Variants in MEGF6 observed in about 807,000 individuals in gnomAD.
MEGF6 encodes multiple epidermal growth factor-like domains protein 6.
MEGF6 carries 184 observed loss-of-function variants against 207.1 expected under a neutral mutation model. The ratio of observed to expected loss-of-function variants is 0.89; its 90% CI spans 0.79 to 1.00. The LOEUF (loss-of-function observed/expected upper bound fraction) is 1.00. Among genes scored for constraint, MEGF6 ranks in the 50% least tolerant of loss-of-function variants. MEGF6 has a pLI of 0.00. For synonymous variants in MEGF6, 1,038 were observed against 910.0 expected (o/e 1.14, Z -2.53); for missense variants, 2,282 against 2,202.9 (o/e 1.04, Z -0.72).
intron 2 of MEGF6, among the ~76,000 whole-genome samples, chr1:3,597,998 A>G (rs927825185): frequency 1.3e-5 from 2 of 152,216 alleles, no homozygotes; most frequent in African/African-American, 4.8e-5. Context: ...GCAGAGAGGG[A>G]CAGAGGCAAG....
Position 3,489,019 on chromosome 1 carries a change from G to GAGAA in MEGF6, c.*1505_*1508dup, listed in dbSNP as rs1231794888. On this transcript the variant is annotated 3_prime_UTR_variant, in exon 37 of 37. Coordinates refer to ENST00000356575, the MANE Select transcript of MEGF6 (RefSeq NM_001409.4). The stretch of plus-strand genomic sequence containing the variant: ...CTTTACGCCTCCCTGCTATTCCTGG[G>GAGAA]AGAATCTCCTGAGCTGTATCCACTC... Among the ~76,000 whole-genome samples, 4 of 152,086 alleles carry GAGAA rather than the reference G, an allele frequency of 2.6e-5. No individual in the cohort carries two copies. In the East Asian group the frequency reaches 7.7e-4, roughly 29 times the overall value.
intron 16 of MEGF6, 36 bp downstream of exon 16, chr1:3,505,386 G>A (rs1557728234): frequency 6.3e-7 from 1 of 1,594,152 alleles, no homozygotes; most frequent in Non-Finnish European, 8.5e-7. Context: ...ACCGACCCTG[G>A]CGCCCCCCGC....
chr1:3,494,525 C>A lies in MEGF6; in HGVS notation c.4001-26G>T, dbSNP rs372882734. The A allele has an allele frequency of 7.6e-6, 12 of 1,578,590 alleles. No homozygotes were observed. The African/African-American group carries it at 1.6e-4, about 21-fold the overall frequency. ...CTGGGGACAGGGCAGGGTGGGCAGT[C>A]CTTCGGCACCAGCCTTGCCCAGCCC... On this transcript the variant is annotated intron_variant, in intron 31 of 36. Coordinates refer to ENST00000356575, the MANE Select transcript of MEGF6 (RefSeq NM_001409.4).
chr1:3,569,862 A>G (rs1261642986), intron 4 of MEGF6, among the ~76,000 whole-genome samples: 1 of 152,236 alleles, frequency 6.6e-6, no homozygotes, highest in Non-Finnish European at 1.5e-5. Context: ...TTATGTCATT[A>G]AAAGACTACC....
At position 3,560,617 on chromosome 1, in the gene MEGF6, G is replaced by A. The variant is rs1643171245; in HGVS notation, c.481+19208C>T. Reference sequence around the variant, plus strand: ...CTCCAAGAGAAACGCTCCATAGGCAGGGAAAGGCTCTGGGGATCCGGGGTC... The same window carrying A: ...CTCCAAGAGAAACGCTCCATAGGCAAGGAAAGGCTCTGGGGATCCGGGGTC... On this transcript the variant is annotated intron_variant, in intron 4 of 36. Coordinates refer to ENST00000356575, the MANE Select transcript of MEGF6 (RefSeq NM_001409.4). This position sits in a 1 kb window ranked among gnomAD's most constrained non-coding sequence, Gnocchi z 4.0. 2.4e-6 allele frequency: 1 copy of A among 411,912 alleles called. No homozygotes were observed. Among genetic ancestry groups the A allele is most frequent in the Non-Finnish European group, 5.1e-6 (1 of 196,064 alleles). 25.5% of individuals were successfully genotyped at this position (411,912 alleles called of 1,614,324 possible).
chr1:3,498,426 C>T lies in MEGF6; in HGVS notation c.3297G>A (p.Pro1099=), dbSNP rs1010430493. Residue 1099 remains proline, a synonymous_variant, in exon 26 of 37, where the codon CCG becomes CCA. Coordinates refer to ENST00000356575, the MANE Select transcript of MEGF6 (RefSeq NM_001409.4). ...CTGGGCAGAGGCAGCGGCCCGTGTGCGGGTCACACAGGCCCCCGTTGAGGC... is the reference window on the plus strand; with the variant it reads ...CTGGGCAGAGGCAGCGGCCCGTGTGTGGGTCACACAGGCCCCCGTTGAGGC... The part of the protein sequence containing the change: ...GGCLNGGLCD[P]HTGRCLCPAG... The T allele has an allele frequency of 8.2e-6, 13 of 1,586,172 alleles. No homozygotes were observed. The highest frequency in any genetic ancestry group is 2.3e-5 in the East Asian group (1 of 43,500).
intron 34 of MEGF6, 148 bp from the exon 35 acceptor site, chr1:3,492,915 C>G (rs1003680255): frequency 2.7e-6 from 3 of 1,115,276 alleles, no homozygotes; most frequent in Middle Eastern, 3.1e-4. Flanking sequence ...CCTTGGGCCT[C>G]GGTTTCCCCT....
intron 4 of MEGF6, among the ~76,000 whole-genome samples, chr1:3,548,681 C>T (rs1211433853): frequency 2.0e-5 from 3 of 152,186 alleles, no homozygotes; most frequent in Non-Finnish European, 4.4e-5. Flanking sequence ...GGTGTCCAGG[C>T]AGGTGGGGCT....
At chr1:3,498,270 T>C in intron 26 of MEGF6, 101 bp downstream of exon 26, 1 of 1,400,372 alleles carries the variant, frequency 7.1e-7, no homozygotes, top group Non-Finnish European at 9.5e-7. Context: ...GGTCCCCTGG[T>C]GAGGCCCCAA....
chr1:3,497,542 G>C (rs774775688), intron 26 of MEGF6, 181 bp from the exon 27 acceptor site: 2 of 817,388 alleles, frequency 2.4e-6, no homozygotes, highest in Admixed American at 4.6e-5. Context: ...GGCAGGCCCC[G>C]GTGGCAAGGT....
the MEGF6 span, among the ~76,000 whole-genome samples, chr1:3,617,862 G>A: frequency 6.6e-6 from 1 of 152,190 alleles, no homozygotes; most frequent in African/African-American, 2.4e-5. Flanking sequence ...GGGAACCGGG[G>A]GTTGCTGGAG....
At chr1:3,619,491 G>A in the MEGF6 span, among the ~76,000 whole-genome samples, 2 of 152,204 alleles carry the variant, frequency 1.3e-5, no homozygotes, top group Non-Finnish European at 1.5e-5. Context: ...AATCCCCCAC[G>A]TGTCGAGAGA....
intron 4 of MEGF6, among the ~76,000 whole-genome samples, chr1:3,576,245 G>T (rs565496657): frequency 6.6e-6 from 1 of 152,246 alleles, no homozygotes; most frequent in Non-Finnish European, 1.5e-5. Flanking sequence ...TTCTGCGGAA[G>T]GGCTCCCAGG....
chr1:3,537,676 A>G (rs1367119132), intron 4 of MEGF6, among the ~76,000 whole-genome samples: 1 of 152,226 alleles, frequency 6.6e-6, no homozygotes, highest in Non-Finnish European at 1.5e-5. Context: ...ACTTCCGGCC[A>G]TGACATTTAA....
At chr1:3,598,695 G>A (rs1459344226) in intron 2 of MEGF6, among the ~76,000 whole-genome samples, 2 of 150,106 alleles carry the variant, frequency 1.3e-5, no homozygotes, top group Non-Finnish European at 3.0e-5. Context: ...CACGCAGGGC[G>A]GGGGTCGTCA....
At chr1:3,533,554 T>C (rs1642239200) in intron 4 of MEGF6, among the ~76,000 whole-genome samples, 1 of 152,150 alleles carries the variant, frequency 6.6e-6, no homozygotes, top group Non-Finnish European at 1.5e-5. Flanking sequence ...GCCCAGCAGT[T>C]TCCATGGAGG....
At position 3,556,341 on chromosome 1, in the gene MEGF6, G is replaced by T. The variant is rs903700880; in HGVS notation, c.481+23484C>A. ...AAGACACCCCCATGAGCTCCCAGAG[G>T]TGACAACGTCACACTCATTACATGA... On this transcript the variant is annotated intron_variant, in intron 4 of 36. Transcript: ENST00000356575. The surrounding 1 kb of genome is among the most constrained non-coding windows in gnomAD (Gnocchi z 4.4). Among the ~76,000 whole-genome samples the T allele has an allele frequency of 1.3e-5, 2 of 152,240 alleles. No individual in the cohort carries two copies. Among genetic ancestry groups the T allele is most frequent in the Non-Finnish European group, 2.9e-5 (2 of 68,052 alleles).
Position 3,491,007 on chromosome 1 carries a change from G to A in MEGF6, c.4517-48C>T, listed in dbSNP as rs200257328. 33 of 1,527,796 alleles carry A rather than the reference G, an allele frequency of 2.2e-5. No individual in the cohort carries two copies. The African/African-American group carries it at 3.8e-4, about 17-fold the overall frequency. The allele number at this position is 1,527,796 out of a possible 1,614,324, so 94.6% of individuals were successfully genotyped here. On this transcript the variant is annotated intron_variant, in intron 35 of 36. Coordinates refer to ENST00000356575, the MANE Select transcript of MEGF6 (RefSeq NM_001409.4). ...CATGTTAGTACCCCCAGCCTTGAGT[G>A]AGCCACAGTAATGGCAGCAAGGCGT...
intron 26 of MEGF6, 52 bp downstream of exon 26, chr1:3,498,319 C>T: frequency 1.3e-6 from 2 of 1,563,236 alleles, no homozygotes; most frequent in South Asian, 1.1e-5. Flanking sequence ...AGGCTGATGC[C>T]ACCCCTTCCC....
Sources: allele counts gnomAD v4.1 joint callset (sites outside exome capture counted in the v4.1 genomes callset), GRCh38; gene constraint gnomAD v4.1.1; non-coding constraint Gnocchi (gnomAD v3.1); transcripts MANE v1.5; gene names NCBI Gene and HGNC (gene_info 2026-07-23, HGNC 2026-07-21).